The following AFAP1 variants were observed in gnomAD, a reference collection of about 807,000 sequenced individuals.
The protein encoded by AFAP1 is actin filament-associated protein 1.
A neutral mutation model predicts 93.9 loss-of-function variants in AFAP1; 75 were observed. The observed-to-expected ratio is 0.80, with a 90% CI of 0.66 to 0.97. The LOEUF (loss-of-function observed/expected upper bound fraction) is 0.97. AFAP1 is among the 50% of genes least tolerant of loss of function. The pLI is 0.00. For synonymous variants in AFAP1, 517 were observed against 430.7 expected, an observed-to-expected ratio of 1.20 and a Z score of -2.48; for missense variants, 1,201 against 1,050.8, an observed-to-expected ratio of 1.14 and a Z score of -1.98.
chr4:7,822,918 G>A (rs868545137), intron 6 of AFAP1, among the ~76,000 whole-genome samples: 1 of 151,732 alleles, frequency 6.6e-6, no homozygotes, highest in Non-Finnish European at 1.5e-5. Context: ...TTTTCAACAG[G>A]GGAACTTCTT....
chr4:7,889,418 C>T (rs796331741), intron 1 of AFAP1, among the ~76,000 whole-genome samples: 102 of 151,438 alleles, frequency 6.7e-4, no homozygotes, highest in Non-Finnish European at 1.2e-3. Context: ...CGTGGTGGCA[C>T]GTGCCTGTAG....
intron 7 of AFAP1, 58 bp from the exon 8 acceptor site, chr4:7,816,157 G>T (rs1720458767): frequency 2.1e-6 from 3 of 1,423,914 alleles, no homozygotes; most frequent in African/African-American, 2.9e-5. Context: ...CCAGTGATGT[G>T]TGATGGATCA....
At chr4:7,775,995 GCTTTTCAATAAC>G (rs1716072746) in intron 14 of AFAP1, 1 of 152,162 alleles carries the variant, frequency 6.6e-6, no homozygotes, top group South Asian at 2.1e-4. Context: ...TATTATGTTG[GCTTTTCAATAAC>G]AGTAATTTAG....
chr4:7,895,362 G>T (rs796890001), intron 1 of AFAP1, among the ~76,000 whole-genome samples: 4 of 152,030 alleles, frequency 2.6e-5, no homozygotes, highest in African/African-American at 9.6e-5. Context: ...AAATTACTAC[G>T]GTCATTATCA....
At chr4:7,853,540 C>T (rs919744527) in intron 4 of AFAP1, among the ~76,000 whole-genome samples, 2 of 152,122 alleles carry the variant, frequency 1.3e-5, no homozygotes, top group South Asian at 2.1e-4. Context: ...GCTTTCTTCC[C>T]GGCTGCCGGC....
At chr4:7,904,620 T>G (rs995722826) in intron 1 of AFAP1, among the ~76,000 whole-genome samples, 6 of 152,328 alleles carry the variant, frequency 3.9e-5, no homozygotes, top group Non-Finnish European at 8.8e-5. Flanking sequence ...TTAAGTAAGT[T>G]GTCCATGGTC....
At chr4:7,855,652 T>A in intron 3 of AFAP1, 78 bp from the exon 4 acceptor site, 1 of 1,157,644 alleles carries the variant, frequency 8.6e-7, no homozygotes, top group Non-Finnish European at 1.3e-6. Context: ...TTAACAGGTG[T>A]GGCCAGTCTT....
rs753634217 is a variant in AFAP1 at position 7,763,673 on chromosome 4, G to T, written c.*92C>A. 278 of 1,496,748 alleles carry T rather than the reference G, an allele frequency of 1.9e-4. No individual in the cohort carries two copies. The highest frequency in any genetic ancestry group is 2.4e-4 in the Non-Finnish European group (262 of 1,098,166). The allele number at this position is 1,496,748 out of a possible 1,614,324, so 92.7% of individuals were successfully genotyped here. Reference sequence around the variant, plus strand: ...GAGCCTCTGGAGTCGTGCAGCTGAGGCCACTCTGGGCAGAGCTTCCTGCCG... The same window carrying T: ...GAGCCTCTGGAGTCGTGCAGCTGAGTCCACTCTGGGCAGAGCTTCCTGCCG... On this transcript the variant is annotated 3_prime_UTR_variant, in exon 18 of 18. Transcript: ENST00000420658.
chr4:7,813,835 G>C (rs1365230063), intron 8 of AFAP1, among the ~76,000 whole-genome samples: 1 of 152,174 alleles, frequency 6.6e-6, no homozygotes, highest in Non-Finnish European at 1.5e-5. Context: ...CAGATTCTTT[G>C]AGCTCCAAGA....
chr4:7,780,279 T>C (rs16841207), intron 13 of AFAP1, among the ~76,000 whole-genome samples: 19,692 of 152,254 alleles, frequency 0.13, 1,356 homozygotes, highest in Non-Finnish European at 0.16. Flanking sequence ...ACAACCGTCA[T>C]GAAAAATCAA....
intron 1 of AFAP1, among the ~76,000 whole-genome samples, chr4:7,932,694 C>G (rs1465705537): frequency 6.6e-6 from 1 of 152,176 alleles, no homozygotes; most frequent in Non-Finnish European, 1.5e-5. Flanking sequence ...ACCTCACCAA[C>G]AGCCTCACAT....
intron 1 of AFAP1, among the ~76,000 whole-genome samples, chr4:7,925,585 G>A (rs1037165579): frequency 4.6e-5 from 7 of 151,128 alleles, no homozygotes; most frequent in African/African-American, 9.8e-5. Flanking sequence ...GGTGGCTCAC[G>A]CCTGTAATCC....
intron 6 of AFAP1, among the ~76,000 whole-genome samples, chr4:7,838,069 T>C (rs1430895845): frequency 1.3e-5 from 2 of 151,896 alleles, no homozygotes; most frequent in African/African-American, 4.8e-5. Flanking sequence ...GTAAATATAG[T>C]GAGAAAGTCT....
At chr4:7,884,546 A>G (rs1005603140) in intron 1 of AFAP1, among the ~76,000 whole-genome samples, 2 of 152,224 alleles carry the variant, frequency 1.3e-5, no homozygotes, top group Non-Finnish European at 2.9e-5. Flanking sequence ...AACAGAATAA[A>G]AAGTCCAGTA....
chr4:7,830,635 G>C (rs140095600), intron 6 of AFAP1, among the ~76,000 whole-genome samples: 3,838 of 152,104 alleles, frequency 0.025, 154 homozygotes, highest in African/African-American at 0.078. Context: ...TAGAGACAAG[G>C]TCTCATTCTG....
intron 12 of AFAP1, among the ~76,000 whole-genome samples, chr4:7,785,587 C>T (rs1717184680): frequency 6.6e-6 from 1 of 152,206 alleles, no homozygotes; most frequent in South Asian, 2.1e-4. Context: ...CCAAGTATTA[C>T]TCTAACATGT....
chr4:7,908,527 T>G (rs1000456897), intron 1 of AFAP1, among the ~76,000 whole-genome samples: 1 of 152,276 alleles, frequency 6.6e-6, no homozygotes, highest in African/African-American at 2.4e-5. Context: ...CCAATGCAGC[T>G]TTGATACCAC....
chr4:7,863,275 C>A (rs995363980), intron 3 of AFAP1, among the ~76,000 whole-genome samples: 2 of 152,026 alleles, frequency 1.3e-5, no homozygotes, highest in African/African-American at 4.8e-5. Flanking sequence ...AAAAATTAGC[C>A]AGACATGATG....
At chr4:7,818,987 A>T in intron 7 of AFAP1, 89 bp downstream of exon 7, 1 of 1,247,288 alleles carries the variant, frequency 8.0e-7, no homozygotes. Flanking sequence ...GGAAGCGCTG[A>T]AATTCTCAGA....
Sources: gnomAD v4.1 joint callset for allele counts (sites outside exome capture counted in the v4.1 genomes callset) on GRCh38, gnomAD v4.1.1 for gene constraint, MANE v1.5 for transcripts, NCBI Gene and HGNC (gene_info 2026-07-23, HGNC 2026-07-21) for gene names.